Variants in ETFA observed in about 807,000 individuals in gnomAD.
The protein encoded by ETFA is electron transfer flavoprotein subunit alpha, also known as electron transfer flavoprotein subunit alpha, mitochondrial.
In ETFA, 22 loss-of-function variants were observed where a neutral mutation model predicts 46.2. The observed-to-expected ratio is 0.48, with a 90% CI of 0.34 to 0.68. ETFA has a LOEUF of 0.68. ETFA is among the 30% of genes least tolerant of loss of function. ETFA has a pLI of 0.01. For synonymous variants in ETFA, 131 were observed against 139.9 expected (o/e 0.94, Z 0.45); for missense variants, 345 against 401.1 (o/e 0.86, Z 1.19).
intron 9 of ETFA, among the ~76,000 whole-genome samples, chr15:76,268,828 G>A (rs888387951): frequency 3.2e-4 from 49 of 152,234 alleles, no homozygotes; most frequent in Non-Finnish European, 1.5e-4. Flanking sequence ...TGCACAGCCT[G>A]CAATTGCCTT....
At chr15:76,257,072 A>C (rs1383121416) in intron 9 of ETFA, among the ~76,000 whole-genome samples, 4 of 141,782 alleles carry the variant, frequency 2.8e-5, no homozygotes, top group African/African-American at 1.1e-4. Context: ...AACGAACGTG[A>C]CTTTCTTTTT....
At chr15:76,259,110 A>T (rs2039375781) in intron 9 of ETFA, 2 of 1,522,640 alleles carry the variant, frequency 1.3e-6, no homozygotes, top group African/African-American at 1.4e-5. Context: ...AGGGGTGAGG[A>T]TGTATCAACA....
intron 8 of ETFA, among the ~76,000 whole-genome samples, chr15:76,280,937 T>TTC (rs1555458407): frequency 3.3e-5 from 5 of 149,650 alleles, no homozygotes; most frequent in South Asian, 2.2e-4. Context: ...TTTTTTTTTT[T>TTC]CAGACAGTGT....
intron 9 of ETFA, among the ~76,000 whole-genome samples, chr15:76,252,948 G>C (rs1013120268): frequency 1.4e-5 from 2 of 145,902 alleles, no homozygotes; most frequent in Non-Finnish European, 1.5e-5. Context: ...CATTATGCAA[G>C]CTGGAGTGCA....
intron 8 of ETFA, among the ~76,000 whole-genome samples, chr15:76,280,118 T>A (rs1333395504): frequency 6.6e-6 from 1 of 152,156 alleles, no homozygotes; most frequent in Non-Finnish European, 1.5e-5. Flanking sequence ...TCCAGTCTCA[T>A]GGCTTTCAAT....
chr15:76,264,647 GTGTCAAAC>G (rs1032289101), intron 9 of ETFA, among the ~76,000 whole-genome samples: 4 of 152,170 alleles, frequency 2.6e-5, no homozygotes, highest in African/African-American at 9.7e-5. Context: ...CTAATGCAGA[GTGTCAAAC>G]TGCTATTAGA....
chr15:76,276,270 C>G (rs2039590503), intron 8 of ETFA, among the ~76,000 whole-genome samples: 2 of 151,978 alleles, frequency 1.3e-5, no homozygotes, highest in African/African-American at 4.8e-5. Context: ...AAACATTTTA[C>G]TACACTCTCT....
intron 8 of ETFA, among the ~76,000 whole-genome samples, chr15:76,280,927 T>TC (rs2039643265): frequency 6.7e-6 from 1 of 148,520 alleles, no homozygotes; most frequent in East Asian, 2.0e-4. Context: ...CTTTTTTTTT[T>TC]TTTTTTTTTT....
intron 1 of ETFA, 53 bp from the exon 2 acceptor site, chr15:76,295,790 T>G: frequency 1.4e-6 from 2 of 1,436,680 alleles, no homozygotes; most frequent in South Asian, 1.3e-5. Context: ...CACAGGGTTT[T>G]TTTTTTTTTT....
chr15:76,269,125 G>T (rs760029766), intron 9 of ETFA, among the ~76,000 whole-genome samples: 1 of 152,174 alleles, frequency 6.6e-6, no homozygotes, highest in Non-Finnish European at 1.5e-5. Context: ...TGCTTGTGCT[G>T]TCTCCTTTTA....
intron 10 of ETFA, among the ~76,000 whole-genome samples, chr15:76,229,570 T>C (rs2039043530): frequency 6.6e-6 from 1 of 152,244 alleles, no homozygotes; most frequent in African/African-American, 2.4e-5. Context: ...TGGCTAAAAA[T>C]ATACTTTAAG....
chr15:76,275,487 T>C (rs1197375714), intron 8 of ETFA, among the ~76,000 whole-genome samples: 1 of 152,182 alleles, frequency 6.6e-6, no homozygotes, highest in East Asian at 1.9e-4. Context: ...TGTATATGTA[T>C]TTTTATATTT....
intron 8 of ETFA, among the ~76,000 whole-genome samples, chr15:76,275,689 C>T (rs1006835139): frequency 6.6e-6 from 1 of 152,134 alleles, no homozygotes; most frequent in African/African-American, 2.4e-5. Flanking sequence ...TTTTTGTCTT[C>T]CACCAACTGA....
intron 9 of ETFA, among the ~76,000 whole-genome samples, chr15:76,262,123 T>C (rs2039420159): frequency 6.6e-6 from 1 of 151,694 alleles, no homozygotes; most frequent in Non-Finnish European, 1.5e-5. Context: ...ATATAAAGCC[T>C]AGAATAAGAA....
chr15:76,241,283 T>C (rs973063287), intron 9 of ETFA, among the ~76,000 whole-genome samples: 6 of 151,588 alleles, frequency 4.0e-5, no homozygotes, highest in Admixed American at 2.0e-4. Context: ...GGAGGATCGC[T>C]TGAGGCCAGG....
chr15:76,222,838 ATTTTT>A (rs5813824), intron 11 of ETFA, among the ~76,000 whole-genome samples: 33 of 146,812 alleles, frequency 2.2e-4, no homozygotes, highest in Non-Finnish European at 4.8e-4. Context: ...CCCAAACTGA[ATTTTT>A]TTTTTTTTTG....
chr15:76,296,921 A>G (rs4381566), intron 1 of ETFA, among the ~76,000 whole-genome samples: 62,417 of 152,130 alleles, frequency 0.41, 15,232 homozygotes, highest in Middle Eastern at 0.56. Flanking sequence ...TGGGGAAGGA[A>G]GGAAGTTCAG....
intron 1 of ETFA, 95 bp from the exon 2 acceptor site, chr15:76,295,832 GA>G: frequency 1.2e-6 from 1 of 840,094 alleles, no homozygotes; most frequent in Non-Finnish European, 1.8e-6. Flanking sequence ...ATGCTTTAAA[GA>G]AAACTATTCT....
chr15:76,237,871 G>A (rs979566938), intron 9 of ETFA, among the ~76,000 whole-genome samples: 5 of 152,102 alleles, frequency 3.3e-5, no homozygotes, highest in African/African-American at 9.7e-5. Flanking sequence ...AGTGTACTGG[G>A]AAAAATTTTC....
Sources: gnomAD v4.1 joint callset for allele counts (sites outside exome capture counted in the v4.1 genomes callset) on GRCh38, gnomAD v4.1.1 for gene constraint, MANE v1.5 for transcripts, NCBI Gene and HGNC (gene_info 2026-07-23, HGNC 2026-07-21) for gene names.